MGAT1: variants seen among roughly 807,000 people sequenced by gnomAD.
The protein encoded by MGAT1 is alpha-1,3-mannosyl-glycoprotein 2-beta-N-acetylglucosaminyltransferase.
A neutral mutation model predicts 31.7 loss-of-function variants in MGAT1; 14 were observed. The ratio of observed to expected loss-of-function variants is 0.44; its 90% CI spans 0.29 to 0.69. The LOEUF (loss-of-function observed/expected upper bound fraction) is 0.69. Ranked by LOEUF, MGAT1 falls within the 30% of genes least tolerant of loss-of-function variation. MGAT1 has a pLI of 0.12. For synonymous variants in MGAT1, 338 were observed against 276.0 expected (o/e 1.22, Z -2.23); for missense variants, 557 against 626.0 (o/e 0.89, Z 1.18).
upstream of MGAT1, chr5:180,803,935 CG>C (rs1421545139): frequency 6.6e-6 from 1 of 152,474 alleles, no homozygotes; most frequent in Non-Finnish European, 1.5e-5. Context: ...ACCCCTCCCC[CG>C]TGTTCCAGAG....
At chr5:180,812,049 G>T (rs1772612013) in intron 1 of MGAT1, among the ~76,000 whole-genome samples, 3 of 152,134 alleles carry the variant, frequency 2.0e-5, no homozygotes, top group South Asian at 4.1e-4. Context: ...TTCCCAGGAC[G>T]CTCACCACTT....
At chr5:180,810,340 CTG>C (rs1772426304) in intron 1 of MGAT1, 1 of 152,326 alleles carries the variant, frequency 6.6e-6, no homozygotes. Flanking sequence ...GGGCCTGAGA[CTG>C]TTCTACAGCC....
chr5:180,792,741 A>G lies in MGAT1; in HGVS notation c.231T>C (p.Asp77=). 1 of 1,547,440 alleles carries G rather than the reference A, an allele frequency of 6.5e-7. No individual in the cohort carries two copies. Among genetic ancestry groups the G allele is most frequent in the Non-Finnish European group, 8.7e-7 (1 of 1,147,048 alleles). ...RQRGLLQQIG[D]ALSSQRGRVP... ...CCCTCCCCCGCTGGCTCGACAGGGC[A>G]TCCCCGATCTGCTGCAGCAGCCCAC... Residue 77 remains aspartate (D), a synonymous_variant, in exon 2 of 2, where the codon GAT becomes GAC. Coordinates refer to ENST00000307826, the MANE Select transcript of MGAT1 (RefSeq NM_002406.4).
In MGAT1 at chr5:180,792,900, C is replaced by T; in HGVS notation, c.72G>A (p.Leu24=). Residue 24 remains leucine (L), a synonymous_variant, in exon 2 of 2, where the codon CTG becomes CTA. Coordinates refer to ENST00000307826, the MANE Select transcript of MGAT1 (RefSeq NM_002406.4). ...CTGGGCGCGTCCAGAAGAAGAGGAG[C>T]AGCAGGGCATTCCAGGCCACAAAGA... ...AILFVAWNAL[L]LLFFWTRPAP... The T allele has an allele frequency of 1.2e-6, 2 of 1,609,024 alleles. No homozygotes were observed. The highest frequency in any genetic ancestry group is 2.2e-5 in the East Asian group (1 of 44,678).
At chr5:180,795,422 T>C (rs1769152589) in intron 1 of MGAT1, 1 of 152,148 alleles carries the variant, frequency 6.6e-6, no homozygotes. Context: ...AAGACGTTAT[T>C]GGGTAAAATG....
intron 1 of MGAT1, among the ~76,000 whole-genome samples, chr5:180,801,046 C>T (rs1020892204): frequency 2.1e-4 from 32 of 152,322 alleles, no homozygotes; most frequent in African/African-American, 7.7e-4. Context: ...CAGTACAAAA[C>T]CCTTCAGCTA....
At chr5:180,811,683 G>A (rs530759524) in intron 1 of MGAT1, among the ~76,000 whole-genome samples, 26 of 146,642 alleles carry the variant, frequency 1.8e-4, no homozygotes, top group Non-Finnish European at 3.7e-4. Flanking sequence ...CCAGTCGCTG[G>A]GTTTCCGTAC....
At chr5:180,807,614 T>C (rs1772034884), upstream of MGAT1, among the ~76,000 whole-genome samples, 1 of 152,174 alleles carries the variant, frequency 6.6e-6, no homozygotes, top group Non-Finnish European at 1.5e-5. Context: ...GGCTTAAGCA[T>C]CCTTCCACCC....
intron 1 of MGAT1, chr5:180,809,297 CATATA>C (rs1295551953): frequency 1.3e-5 from 2 of 152,100 alleles, no homozygotes; most frequent in African/African-American, 2.4e-5. Context: ...TATATAAACA[CATATA>C]ATATAAACAT....
intron 1 of MGAT1, among the ~76,000 whole-genome samples, chr5:180,813,026 T>C (rs624335): frequency 0.17 from 26,443 of 152,122 alleles, 2,692 homozygotes; most frequent in African/African-American, 0.29. Flanking sequence ...TTTTGTACAT[T>C]TGGGTTGTTT....
At chr5:180,811,651 TCTCCCTGCC>T (rs3029526) in intron 1 of MGAT1, among the ~76,000 whole-genome samples, 3 of 151,538 alleles carry the variant, frequency 2.0e-5, no homozygotes, top group African/African-American at 7.3e-5. Context: ...AACACCTAGG[TCTCCCTGCC>T]CTCCCTACCC....
At chr5:180,810,113 T>A (rs1428569377) in intron 1 of MGAT1, 3 of 138,926 alleles carry the variant, frequency 2.2e-5, no homozygotes, top group African/African-American at 8.3e-5. Flanking sequence ...CCAGGCCCGA[T>A]CCCCAGCGCT....
chr5:180,792,879 G>C lies in MGAT1; in HGVS notation c.93C>G (p.Arg31=). The C allele has an allele frequency of 6.3e-7, 1 of 1,593,166 alleles. No homozygotes were observed. Among genetic ancestry groups the C allele is most frequent in the Non-Finnish European group, 8.5e-7 (1 of 1,170,546 alleles). ...NALLLLFFWT[R]PAPGRPPSVS... is the part of the protein sequence containing the mutation. Reference sequence around the variant, plus strand: ...CTGAGGGTGGCCTGCCAGGTGCTGGGCGCGTCCAGAAGAAGAGGAGCAGCA... The same window carrying C: ...CTGAGGGTGGCCTGCCAGGTGCTGGCCGCGTCCAGAAGAAGAGGAGCAGCA... Residue 31 remains arginine, a synonymous_variant, in exon 2 of 2, where the codon CGC becomes CGG. Coordinates refer to ENST00000307826, the MANE Select transcript of MGAT1 (RefSeq NM_002406.4).
Position 180,791,684 on chromosome 5 carries a change from G to C in MGAT1, c.1288C>G (p.His430Asp). The change falls in exon 2 of 2, where the codon CAC becomes GAC. Residue 430 changes from histidine to aspartate, a missense_variant. Coordinates refer to ENST00000307826, the MANE Select transcript of MGAT1 (RefSeq NM_002406.4). ...TCCCACGTCAGTGGGGGCGCCAGGT[G>C]GACACGGCGGCCCCGGAACTGGAAG... is the stretch of plus-strand genomic sequence containing the variant. ...VTFQFRGRRV[H>D]LAPPLTWEGY... 2 of 1,613,850 alleles carry C rather than the reference G, an allele frequency of 1.2e-6. No individual in the cohort carries two copies. The highest frequency in any genetic ancestry group is 1.7e-6 in the Non-Finnish European group (2 of 1,180,006).
In MGAT1 at chr5:180,792,357, G is replaced by C; in HGVS notation, c.615C>G (p.Ala205=). The C allele has an allele frequency of 6.2e-7, 1 of 1,611,088 alleles. No individual in the cohort carries two copies. Among genetic ancestry groups the C allele is most frequent in the Non-Finnish European group, 8.5e-7 (1 of 1,178,254 alleles). Residue 205 remains alanine (A), a synonymous_variant, in exon 2 of 2, where the codon GCC becomes GCG. Coordinates refer to ENST00000307826, the MANE Select transcript of MGAT1 (RefSeq NM_002406.4). ...CCTCCAGGTCATCCTCCACCACCAC[G>C]GCCGCGGGGAAGCGAAACTGCCGGA... is the stretch of plus-strand genomic sequence containing the variant. ...QVFRQFRFPA[A]VVVEDDLEVA...
intron 1 of MGAT1, among the ~76,000 whole-genome samples, chr5:180,794,030 A>C (rs964733659): frequency 6.6e-6 from 1 of 152,040 alleles, no homozygotes; most frequent in Non-Finnish European, 1.5e-5. Flanking sequence ...ATGAAAAACT[A>C]GGAAAACAAT....
At chr5:180,796,327 C>T (rs6869036) in intron 1 of MGAT1, among the ~76,000 whole-genome samples, 4,549 of 152,312 alleles carry the variant, frequency 0.03, 73 homozygotes, top group South Asian at 0.046. Context: ...ACCCCCACCA[C>T]GCCAGGACAT....
At chr5:180,793,307 G>T (rs1211507745) in intron 1 of MGAT1, among the ~76,000 whole-genome samples, 2 of 152,130 alleles carry the variant, frequency 1.3e-5, no homozygotes, top group Non-Finnish European at 2.9e-5. Flanking sequence ...GGTGGAGGGA[G>T]AGAGAAAAAG....
intron 1 of MGAT1, among the ~76,000 whole-genome samples, chr5:180,798,574 T>G (rs1416892973): frequency 6.6e-6 from 1 of 152,234 alleles, no homozygotes; most frequent in Non-Finnish European, 1.5e-5. Flanking sequence ...TCAGCAGATG[T>G]GCCTGGGATC....
Sources: gnomAD v4.1 joint callset for allele counts (sites outside exome capture counted in the v4.1 genomes callset) on GRCh38, gnomAD v4.1.1 for gene constraint, MANE v1.5 for transcripts, NCBI Gene and HGNC (gene_info 2026-07-23, HGNC 2026-07-21) for gene names.